Variants in PRKACB observed in about 807,000 individuals in gnomAD.
PRKACB encodes cAMP-dependent protein kinase catalytic subunit beta.
PRKACB carries 16 observed loss-of-function variants against 51.4 expected under a neutral mutation model. The observed-to-expected ratio is 0.31, with a 90% CI of 0.21 to 0.47. The LOEUF (loss-of-function observed/expected upper bound fraction) is 0.47. Among genes scored for constraint, PRKACB ranks in the 20% least tolerant of loss-of-function variants. PRKACB has a pLI of 1.00. For synonymous variants in PRKACB, 147 were observed against 154.4 expected (o/e 0.95, Z 0.35); for missense variants, 309 against 464.5 (o/e 0.67, Z 3.08).
At chr1:84,131,859 G>A (rs530116243) in intron 1 of PRKACB, among the ~76,000 whole-genome samples, 49 of 152,314 alleles carry the variant, frequency 3.2e-4, no homozygotes, top group African/African-American at 1.1e-3. Context: ...ACTTTCATGG[G>A]TTTTGCTTCT....
chr1:84,118,695 C>T (rs1650822455), intron 1 of PRKACB, among the ~76,000 whole-genome samples: 2 of 152,150 alleles, frequency 1.3e-5, no homozygotes, highest in South Asian at 4.2e-4. Context: ...GGACACTGAC[C>T]TTTGAAACAC....
intron 9 of PRKACB, among the ~76,000 whole-genome samples, chr1:84,231,658 A>T (rs1399344333): frequency 6.6e-6 from 1 of 152,152 alleles, no homozygotes; most frequent in East Asian, 1.9e-4. Context: ...CAGAGAGTGT[A>T]TGTGTCGAGG....
chr1:84,117,458 T>G (rs957615319), intron 1 of PRKACB, among the ~76,000 whole-genome samples: 1 of 152,176 alleles, frequency 6.6e-6, no homozygotes, highest in Non-Finnish European at 1.5e-5. Flanking sequence ...AGATACTTTT[T>G]ATTACTGATT....
At chr1:84,099,961 C>T (rs1649207701) in intron 1 of PRKACB, among the ~76,000 whole-genome samples, 1 of 152,140 alleles carries the variant, frequency 6.6e-6, no homozygotes, top group African/African-American at 2.4e-5. Context: ...ACAAATTCAT[C>T]CACTGGGAGT....
chr1:84,098,242 A>G (rs557908543), intron 1 of PRKACB, among the ~76,000 whole-genome samples: 62 of 152,222 alleles, frequency 4.1e-4, no homozygotes, highest in African/African-American at 1.1e-3. Flanking sequence ...ATACGTACGC[A>G]TAGTTTATGA....
At chr1:84,190,525 A>G (rs1448012508) in intron 5 of PRKACB, among the ~76,000 whole-genome samples, 2 of 152,018 alleles carry the variant, frequency 1.3e-5, no homozygotes, top group Non-Finnish European at 1.5e-5. Context: ...TATTCTTTCA[A>G]TAACTCAGAA....
At chr1:84,181,555 C>A in intron 2 of PRKACB, 4 of 614,230 alleles carry the variant, frequency 6.5e-6, no homozygotes, top group Non-Finnish European at 9.6e-6. Context: ...GGGATTCTGG[C>A]TTTTGGTTCT....
rs758302887 is a variant in PRKACB, at chr1:84,181,728, G to A, written c.250-472G>A. 1,167 of 1,509,634 alleles carry A rather than the reference G, an allele frequency of 7.7e-4. 1 individual carries two copies. The highest frequency in any genetic ancestry group is 9.7e-4 in the Non-Finnish European group (1,092 of 1,130,352). 93.5% of individuals were successfully genotyped at this position (1,509,634 alleles called of 1,614,324 possible). ...ATGAAGCAAGACTGATTTCTTCACA[G>A]GTAACTTTAGTGAAAGAGCTCTGAT... On this transcript the variant is annotated intron_variant, in intron 2 of 9. Coordinates refer to ENST00000370685, the MANE Select transcript of PRKACB (RefSeq NM_182948.4).
At chr1:84,148,932 G>A (rs999964894) in intron 1 of PRKACB, among the ~76,000 whole-genome samples, 7 of 152,100 alleles carry the variant, frequency 4.6e-5, no homozygotes, top group African/African-American at 1.7e-4. Flanking sequence ...GCTACTCAAA[G>A]TGTGGTCCCT....
intron 1 of PRKACB, chr1:84,174,973 T>C: frequency 7.1e-7 from 1 of 1,400,744 alleles, no homozygotes; most frequent in East Asian, 2.8e-5. Flanking sequence ...ATTGGTGACT[T>C]CATGCTAATA....
chr1:84,160,389 G>A (rs1656030464), intron 1 of PRKACB, among the ~76,000 whole-genome samples: 1 of 151,162 alleles, frequency 6.6e-6, no homozygotes, highest in South Asian at 2.1e-4. Context: ...AGCATCAGTG[G>A]TGATATCATA....
At chr1:84,204,166 C>T (rs1281148480) in intron 8 of PRKACB, among the ~76,000 whole-genome samples, 1 of 151,958 alleles carries the variant, frequency 6.6e-6, no homozygotes, top group Non-Finnish European at 1.5e-5. Flanking sequence ...TACATATGCA[C>T]TCTACCTGGG....
At chr1:84,204,663 C>A in intron 8 of PRKACB, 1 of 1,089,960 alleles carries the variant, frequency 9.2e-7, no homozygotes, top group Non-Finnish European at 1.2e-6. Flanking sequence ...AATACAAAAA[C>A]TAAGAATGTA....
At chr1:84,173,554 A>C (rs1660238623) in intron 1 of PRKACB, among the ~76,000 whole-genome samples, 1 of 151,678 alleles carries the variant, frequency 6.6e-6, no homozygotes. Context: ...AAAGAGGTAG[A>C]TATTTGAATA....
chr1:84,172,329 T>C (rs1019918141), intron 1 of PRKACB, among the ~76,000 whole-genome samples: 1 of 151,678 alleles, frequency 6.6e-6, no homozygotes, highest in African/African-American at 2.4e-5. Context: ...AAAAGCCTCA[T>C]TGAACAATTA....
In PRKACB at chr1:84,144,488, A is replaced by C. The variant is rs1168184655; in HGVS notation, c.127A>C (p.Thr43Pro). ...HSKGTAHDQK[T>P]ALENDSLHFS... ...TAAAGGTACTGCACATGATCAGAAA[A>C]CAGCTCTGGAAAATGACAGCCTTCA... Residue 43 changes from threonine (T) to proline (P), a missense_variant, in exon 1 of 10, where the codon ACA becomes CCA. This residue lies in a region of PRKACB where 153 missense variants were observed against 190.2 expected (regional missense o/e 0.80). Transcript: ENST00000370685. 1 of 1,611,234 alleles carries C rather than the reference A, an allele frequency of 6.2e-7. No homozygotes were observed. Among genetic ancestry groups the C allele is most frequent in the African/African-American group, 1.3e-5 (1 of 74,722 alleles).
At chr1:84,197,674 A>G (rs2101238046) in intron 6 of PRKACB, 55 bp from the exon 7 acceptor site, 1 of 1,186,800 alleles carries the variant, frequency 8.4e-7, no homozygotes, top group East Asian at 2.6e-5. Context: ...GGTGCAATAA[A>G]TACATTTATT....
upstream of PRKACB, chr1:84,078,079 A>G (rs542499121): frequency 1.4e-3 from 525 of 373,252 alleles, 5 homozygotes; most frequent in South Asian, 0.011. Flanking sequence ...CGCCGCCGCC[A>G]CTGCTGCTGC....
chr1:84,233,234 T>C (rs374518761), intron 9 of PRKACB, among the ~76,000 whole-genome samples: 4 of 151,934 alleles, frequency 2.6e-5, no homozygotes, highest in Non-Finnish European at 4.4e-5. Context: ...GAATGTTGAA[T>C]ATTGGCACCC....
Sources: gnomAD v4.1 joint callset for allele counts (sites outside exome capture counted in the v4.1 genomes callset) on GRCh38, gnomAD v4.1.1 for gene constraint, gnomAD v4.1.1 regional missense constraint, MANE v1.5 for transcripts, NCBI Gene and HGNC (gene_info 2026-07-23, HGNC 2026-07-21) for gene names.